The following CDH13 variants were observed in gnomAD, a reference collection of about 807,000 sequenced individuals.
CDH13 encodes the protein cadherin 13.
A neutral mutation model predicts 63.8 loss-of-function variants in CDH13; 24 were observed. The ratio of observed to expected loss-of-function variants is 0.38; its 90% CI spans 0.27 to 0.53. The LOEUF (loss-of-function observed/expected upper bound fraction) is 0.53, where lower values mean the gene tolerates loss of function less well. Ranked by LOEUF, CDH13 falls within the 20% of genes least tolerant of loss-of-function variation. CDH13 has a pLI of 0.85. For synonymous variants in CDH13, 503 were observed against 355.3 expected (o/e 1.42, Z -4.67); for missense variants, 1,049 against 903.1 (o/e 1.16, Z -2.07).
chr16:82,663,467 G>T (rs932500889), intron 1 of CDH13, among the ~76,000 whole-genome samples: 1 of 152,096 alleles, frequency 6.6e-6, no homozygotes, highest in African/African-American at 2.4e-5. Context: ...TTACAGGCAT[G>T]AGCCACCATG....
At chr16:83,681,417 T>C (rs1324152436) in intron 10 of CDH13, among the ~76,000 whole-genome samples, 2 of 152,192 alleles carry the variant, frequency 1.3e-5, no homozygotes, top group East Asian at 3.9e-4. Flanking sequence ...TGTGTGTGCA[T>C]GTGCATATGT....
chr16:83,256,790 AG>A (rs1906338240), intron 5 of CDH13, among the ~76,000 whole-genome samples: 1 of 141,846 alleles, frequency 7.0e-6, no homozygotes, highest in Non-Finnish European at 1.5e-5. Flanking sequence ...GCTTGCAGTG[AG>A]CCGAGATCGC....
At chr16:83,262,934 C>A (rs539349680) in intron 5 of CDH13, among the ~76,000 whole-genome samples, 2 of 152,286 alleles carry the variant, frequency 1.3e-5, no homozygotes, top group African/African-American at 4.8e-5. Flanking sequence ...TTCAAACCAA[C>A]CAGCTAAATT....
chr16:83,146,602 CA>C (rs2036761024), intron 4 of CDH13, among the ~76,000 whole-genome samples: 1 of 152,336 alleles, frequency 6.6e-6, no homozygotes, highest in Admixed American at 6.5e-5. Context: ...AAACTTTGAG[CA>C]GTTATATGTG....
At chr16:83,531,802 A>G (rs2075089677) in intron 7 of CDH13, among the ~76,000 whole-genome samples, 1 of 152,188 alleles carries the variant, frequency 6.6e-6, no homozygotes, top group South Asian at 2.1e-4. Context: ...TAGCACAGTG[A>G]AATGGATTTT....
intron 2 of CDH13, among the ~76,000 whole-genome samples, chr16:82,997,767 T>C (rs1042424776): frequency 1.3e-5 from 2 of 152,188 alleles, no homozygotes; most frequent in African/African-American, 4.8e-5. Flanking sequence ...ATCTGGCTTC[T>C]AAGGTAAGTT....
At chr16:83,006,918 T>G (rs1406591307) in intron 2 of CDH13, among the ~76,000 whole-genome samples, 1 of 127,514 alleles carries the variant, frequency 7.8e-6, no homozygotes, top group African/African-American at 2.9e-5. Flanking sequence ...GTTTGTTTGT[T>G]TGTTTGTTTG....
At chr16:83,497,655 T>TA (rs200337401) in intron 7 of CDH13, among the ~76,000 whole-genome samples, 5,004 of 146,270 alleles carry the variant, frequency 0.034, 115 homozygotes, top group Non-Finnish European at 0.042. Context: ...AAAACTTTAA[T>TA]AAAAAAAAAA....
intron 10 of CDH13, among the ~76,000 whole-genome samples, chr16:83,683,924 C>G (rs1904278761): frequency 6.6e-6 from 1 of 152,158 alleles, no homozygotes. Context: ...GATCAGGTTC[C>G]CACTCTGTCG....
At chr16:83,485,109 G>T (rs1344096391) in intron 6 of CDH13, among the ~76,000 whole-genome samples, 2 of 152,214 alleles carry the variant, frequency 1.3e-5, no homozygotes, top group Admixed American at 1.3e-4. Flanking sequence ...TTAAGCTGCT[G>T]CAAAATATCT....
chr16:83,145,570 C>T (rs867947441), intron 4 of CDH13, among the ~76,000 whole-genome samples: 18 of 152,220 alleles, frequency 1.2e-4, no homozygotes, highest in Admixed American at 5.9e-4. Flanking sequence ...GAAACAAACA[C>T]GCCATCATTC....
chr16:83,322,838 A>G (rs17210298), intron 5 of CDH13, among the ~76,000 whole-genome samples: 10,720 of 152,254 alleles, frequency 0.07, 531 homozygotes, highest in Non-Finnish European at 0.11. Context: ...GTTCACAACA[A>G]TGATTCCAAG....
intron 10 of CDH13, among the ~76,000 whole-genome samples, chr16:83,700,136 G>A (rs536438031): frequency 6.6e-6 from 1 of 152,160 alleles, no homozygotes; most frequent in African/African-American, 2.4e-5. Flanking sequence ...TGTCATTGTA[G>A]ATTAGTGTAC....
intron 5 of CDH13, among the ~76,000 whole-genome samples, chr16:83,246,786 C>T (rs113463091): frequency 6.6e-6 from 1 of 152,188 alleles, no homozygotes; most frequent in African/African-American, 2.4e-5. Context: ...TGATGCTTCT[C>T]TGTCGACTTC....
intron 8 of CDH13, among the ~76,000 whole-genome samples, chr16:83,635,749 G>C (rs1047989258): frequency 1.3e-5 from 2 of 152,144 alleles, no homozygotes; most frequent in African/African-American, 2.4e-5. Flanking sequence ...ATCTCAATCT[G>C]TGGCTTGTCT....
chr16:82,708,223 C>A (rs1287427489), intron 1 of CDH13, among the ~76,000 whole-genome samples: 14 of 152,182 alleles, frequency 9.2e-5, no homozygotes, highest in Admixed American at 9.2e-4. Flanking sequence ...CCACATACAG[C>A]TGTGAGTGAC....
chr16:82,781,262 T>C (rs777271984), intron 1 of CDH13, among the ~76,000 whole-genome samples: 1 of 152,212 alleles, frequency 6.6e-6, no homozygotes, highest in Non-Finnish European at 1.5e-5. Flanking sequence ...GCCTATAGCT[T>C]GAAATTACAG....
chr16:83,191,474 T>TATATATATATGCACAG (rs2038701282), intron 4 of CDH13, among the ~76,000 whole-genome samples: 4 of 123,362 alleles, frequency 3.2e-5, no homozygotes, highest in African/African-American at 1.2e-4. Context: ...TATATATATA[T>TATATATATATGCACAG]ATATATATAT....
chr16:83,514,780 A>T (rs2074663337), intron 7 of CDH13, among the ~76,000 whole-genome samples: 1 of 152,208 alleles, frequency 6.6e-6, no homozygotes, highest in African/African-American at 2.4e-5. Context: ...CCAGCAAACA[A>T]CTAGAAGCTA....
Sources: allele counts gnomAD v4.1 joint callset (sites outside exome capture counted in the v4.1 genomes callset), GRCh38; gene constraint gnomAD v4.1.1; transcripts MANE v1.5; gene names NCBI Gene and HGNC (gene_info 2026-07-23, HGNC 2026-07-21).